GALNT13: variants seen among roughly 807,000 people sequenced by gnomAD.
GALNT13 encodes UDP-GalNAc:polypeptide N-acetylgalactosaminyltransferase 13.
A neutral mutation model predicts 64.2 loss-of-function variants in GALNT13; 28 were observed. The ratio of observed to expected loss-of-function variants is 0.44; its 90% confidence interval spans 0.32 to 0.60. The LOEUF (loss-of-function observed/expected upper bound fraction) is 0.60, where lower values mean the gene tolerates loss of function less well. Ranked by LOEUF, GALNT13 falls within the 20% of genes least tolerant of loss-of-function variation. The pLI, the probability that GALNT13 is intolerant of heterozygous loss-of-function variation, is 0.05. For synonymous variants in GALNT13, 214 were observed against 224.6 expected (o/e 0.95, Z 0.42); for missense variants, 577 against 669.8 (o/e 0.86, Z 1.53).
the GALNT13 span, among the ~76,000 whole-genome samples, chr2:153,306,203 G>A: frequency 1.1e-4 from 16 of 152,252 alleles, no homozygotes; most frequent in East Asian, 3.9e-4. Flanking sequence ...CTGCTGGGTC[G>A]TTTCCTGCTT....
At chr2:153,726,945 A>AC in the GALNT13 span, among the ~76,000 whole-genome samples, 41 of 147,894 alleles carry the variant, frequency 2.8e-4, no homozygotes, top group Admixed American at 7.9e-4. Flanking sequence ...ATCTCAAAAA[A>AC]AAAAAAAAAA....
At chr2:153,464,393 T>C in the GALNT13 span, among the ~76,000 whole-genome samples, 15 of 152,206 alleles carry the variant, frequency 9.9e-5, no homozygotes, top group East Asian at 2.5e-3. Flanking sequence ...CCACATCGTC[T>C]GTTATTTTTA....
the GALNT13 span, among the ~76,000 whole-genome samples, chr2:153,242,239 C>A: frequency 6.6e-6 from 1 of 152,130 alleles, no homozygotes; most frequent in Non-Finnish European, 1.5e-5. Context: ...TGGAATGATT[C>A]TATTCTGGCT....
chr2:153,404,696 A>T, the GALNT13 span, among the ~76,000 whole-genome samples: 2 of 152,054 alleles, frequency 1.3e-5, no homozygotes, highest in African/African-American at 4.8e-5. Context: ...AATATCTTCA[A>T]CTCTTATGTC....
At chr2:154,198,246 C>T (rs527821066) in intron 4 of GALNT13, among the ~76,000 whole-genome samples, 12 of 152,058 alleles carry the variant, frequency 7.9e-5, no homozygotes, top group South Asian at 6.2e-4. Context: ...ACTATTGAGA[C>T]GGTGAGATGG....
At chr2:153,810,206 A>C in the GALNT13 span, among the ~76,000 whole-genome samples, 2 of 151,888 alleles carry the variant, frequency 1.3e-5, no homozygotes, top group Non-Finnish European at 2.9e-5. Flanking sequence ...CTCATGATCC[A>C]CCCACTTCAG....
the GALNT13 span, among the ~76,000 whole-genome samples, chr2:153,377,479 T>G: frequency 6.6e-6 from 1 of 152,096 alleles, no homozygotes; most frequent in Admixed American, 6.6e-5. Flanking sequence ...TGCTAGGGGT[T>G]GAGTCTCACT....
the GALNT13 span, among the ~76,000 whole-genome samples, chr2:153,836,226 T>C: frequency 6.6e-6 from 1 of 152,110 alleles, no homozygotes; most frequent in Non-Finnish European, 1.5e-5. Context: ...TTGTATATAT[T>C]TAAAGTGCAC....
chr2:153,419,506 A>G, the GALNT13 span, among the ~76,000 whole-genome samples: 2 of 152,368 alleles, frequency 1.3e-5, no homozygotes, highest in Non-Finnish European at 2.9e-5. Context: ...ATAGAGACAA[A>G]CAAGAGGTGA....
At chr2:153,612,660 G>A in the GALNT13 span, among the ~76,000 whole-genome samples, 1,216 of 151,574 alleles carry the variant, frequency 8.0e-3, 12 homozygotes, top group African/African-American at 0.027. Flanking sequence ...GAACACACAG[G>A]AAAATGTATA....
At chr2:153,335,476 A>G in the GALNT13 span, among the ~76,000 whole-genome samples, 1 of 152,320 alleles carries the variant, frequency 6.6e-6, no homozygotes, top group Admixed American at 6.5e-5. Flanking sequence ...AACTGGAGCA[A>G]AGGTGACTCT....
intron 3 of GALNT13, among the ~76,000 whole-genome samples, chr2:154,125,506 A>G (rs1456259612): frequency 6.6e-6 from 1 of 152,200 alleles, no homozygotes; most frequent in Non-Finnish European, 1.5e-5. Context: ...ATTTACATAA[A>G]AATAGAACTT....
At chr2:154,261,627 G>C (rs1180933721) in intron 8 of GALNT13, among the ~76,000 whole-genome samples, 1 of 152,112 alleles carries the variant, frequency 6.6e-6, no homozygotes, top group Non-Finnish European at 1.5e-5. Flanking sequence ...CATACATTGA[G>C]CAAGTGATAT....
chr2:153,739,118 C>G, the GALNT13 span, among the ~76,000 whole-genome samples: 30 of 151,850 alleles, frequency 2.0e-4, no homozygotes, highest in African/African-American at 7.0e-4. Context: ...ACTAACTGGA[C>G]TCTAATGTGT....
At chr2:153,925,076 A>G (rs574140440) in intron 2 of GALNT13, among the ~76,000 whole-genome samples, 1 of 152,070 alleles carries the variant, frequency 6.6e-6, no homozygotes, top group East Asian at 1.9e-4. Context: ...CCATTTGTCA[A>G]TTTTTGCTTT....
At chr2:153,272,181 C>T in the GALNT13 span, among the ~76,000 whole-genome samples, 1 of 152,196 alleles carries the variant, frequency 6.6e-6, no homozygotes, top group East Asian at 1.9e-4. Flanking sequence ...CTAGGCAATA[C>T]CATTCAGGAC....
chr2:153,493,898 C>G, the GALNT13 span, among the ~76,000 whole-genome samples: 1 of 151,606 alleles, frequency 6.6e-6, no homozygotes, highest in Non-Finnish European at 1.5e-5. Context: ...TAGAGGAATA[C>G]CTGAGATTAG....
intron 2 of GALNT13, among the ~76,000 whole-genome samples, chr2:153,940,040 T>C (rs919967075): frequency 6.6e-6 from 1 of 152,122 alleles, no homozygotes; most frequent in Non-Finnish European, 1.5e-5. Context: ...ATTCTCCCTT[T>C]CCTTAGTGTA....
chr2:153,310,692 G>C, the GALNT13 span, among the ~76,000 whole-genome samples: 3 of 152,038 alleles, frequency 2.0e-5, no homozygotes, highest in African/African-American at 7.2e-5. Flanking sequence ...TCAACAGTAG[G>C]CTATTAGCAA....
Sources: gnomAD v4.1 joint callset for allele counts (sites outside exome capture counted in the v4.1 genomes callset) on GRCh38, gnomAD v4.1.1 for gene constraint, MANE v1.5 for transcripts, NCBI Gene and HGNC (gene_info 2026-07-23, HGNC 2026-07-21) for gene names.